MRPS25: variants seen among roughly 807,000 people sequenced by gnomAD.
MRPS25 encodes mitochondrial ribosomal protein S25, also known as small ribosomal subunit protein mS25.
In MRPS25, 15 loss-of-function variants were observed where a neutral mutation model predicts 17.3. The observed-to-expected ratio is 0.87, with a 90% confidence interval of 0.58 to 1.34. The LOEUF (loss-of-function observed/expected upper bound fraction) is 1.34. Ranked by LOEUF, MRPS25 falls within the 40% of genes most tolerant of loss-of-function variation. MRPS25 has a pLI of 0.00. For missense variants in MRPS25, 225 were observed against 218.6 expected (o/e 1.03, Z -0.19); for synonymous variants, 94 against 83.3 (o/e 1.13, Z -0.70).
At chr3:15,059,297 C>G (rs2042715458) in intron 2 of MRPS25, 72 bp downstream of exon 2, 2 of 1,057,310 alleles carry the variant, frequency 1.9e-6, no homozygotes, top group South Asian at 2.6e-5. Context: ...TCCTGACGCT[C>G]CCATAGGAAG....
chr3:15,046,337 T>C (rs946681830), downstream of MRPS25: 2 of 152,260 alleles, frequency 1.3e-5, no homozygotes, highest in Non-Finnish European at 1.5e-5. Context: ...ACACCAGCCA[T>C]GGTGTTAACA....
At chr3:15,053,620 T>C in intron 2 of MRPS25, 153 bp from the exon 3 acceptor site, 1 of 840,128 alleles carries the variant, frequency 1.2e-6, no homozygotes, top group Non-Finnish European at 1.9e-6. Context: ...CTACCCTTCC[T>C]TTTTCCATTT....
In MRPS25 at chr3:15,052,169, C is replaced by A; in HGVS notation, c.*272G>T. 7 of 1,172,210 alleles carry A rather than the reference C, an allele frequency of 6.0e-6. No individual in the cohort carries two copies. Among genetic ancestry groups the A allele is most frequent in the Non-Finnish European group, 7.4e-6 (7 of 948,040 alleles). 72.6% of individuals were successfully genotyped at this position (1,172,210 alleles called of 1,614,324 possible). ...TCAGGCCCAAAGCCTTTCTGCTACA[C>A]AGGCCTTCCTCTTCACTAGGACCAG... On this transcript the variant is annotated 3_prime_UTR_variant, in exon 4 of 4. Coordinates refer to ENST00000253686, the MANE Select transcript of MRPS25 (RefSeq NM_022497.5).
At chr3:15,054,084 A>G (rs982462524) in intron 2 of MRPS25, among the ~76,000 whole-genome samples, 2 of 152,012 alleles carry the variant, frequency 1.3e-5, no homozygotes, top group Non-Finnish European at 2.9e-5. Context: ...GTGAAACCCC[A>G]TCTCTACTAA....
chr3:15,052,514 G>C lies in MRPS25; in HGVS notation c.449C>G (p.Pro150Arg), dbSNP rs770560188. 6.2e-7 allele frequency: 1 copy of C among 1,614,158 alleles called. No homozygotes were observed. The highest frequency in any genetic ancestry group is 1.7e-5 in the Admixed American group (1 of 60,024). ...ICEVEGQVPCPSLVPLPKEMR... is the reference protein window; with the variant it reads ...ICEVEGQVPCRSLVPLPKEMR... ...CTCCTTGGGTAATGGCACCAGGCTG[G>C]GGCAGGGCACCTGCCCTTCCACTTC... Residue 150 changes from proline (P) to arginine (R), a missense_variant, in exon 4 of 4, where the codon CCC (proline) becomes CGC (arginine). Transcript: ENST00000253686.
In MRPS25 at chr3:15,052,288, T is replaced by C; in HGVS notation, c.*153A>G. The C allele has an allele frequency of 7.1e-7, 1 of 1,410,056 alleles. No individual in the cohort carries two copies. Among genetic ancestry groups the C allele is most frequent in the East Asian group, 2.5e-5 (1 of 39,618 alleles). 87.3% of individuals were successfully genotyped at this position (1,410,056 alleles called of 1,614,324 possible). A position where few individuals can be genotyped will look rare whatever the true frequency, so the allele number is the denominator to read the frequency against. ...CAGCTTCAGACCCTCCTCTCCCACA[T>C]CCTTTTACACAGGTGTGTAAAGTCC... is the stretch of plus-strand genomic sequence containing the variant. On this transcript the variant is annotated 3_prime_UTR_variant, in exon 4 of 4. Coordinates refer to ENST00000253686, the MANE Select transcript of MRPS25 (RefSeq NM_022497.5).
intron 2 of MRPS25, among the ~76,000 whole-genome samples, chr3:15,055,581 A>G (rs1310591469): frequency 6.6e-6 from 1 of 152,236 alleles, no homozygotes; most frequent in African/African-American, 2.4e-5. Flanking sequence ...GAAAAGAAGT[A>G]TAACTGTCTT....
rs1234550447 is a variant in MRPS25 at position 15,049,302 on chromosome 3, T to TGATA, written c.*3135_*3138dup. The TGATA allele has an allele frequency of 1.3e-5, 2 of 152,756 alleles. No homozygotes were observed. The highest frequency in any genetic ancestry group is 4.8e-5 in the African/African-American group (2 of 41,468). 9.5% of individuals were successfully genotyped at this position (152,756 alleles called of 1,614,324 possible). ...GCATCCTGCTCTTCATTTTTCTTCA[T>TGATA]GATAGTAGTAATGCCTGGCCCCCAA... is the stretch of plus-strand genomic sequence containing the variant. On this transcript the variant is annotated 3_prime_UTR_variant, in exon 4 of 4. Coordinates refer to ENST00000253686, the MANE Select transcript of MRPS25 (RefSeq NM_022497.5).
chr3:15,049,694 TTA>T lies in MRPS25; in HGVS notation c.*2745_*2746del. ...AGTTTCAGAAGTTAGAACATATTCA[TTA>T]TGTCATCTGACCTCTCATGTTCCAG... On this transcript the variant is annotated 3_prime_UTR_variant, in exon 4 of 4. Transcript: ENST00000253686. The T allele has an allele frequency of 1.8e-6, 1 of 560,822 alleles. No individual in the cohort carries two copies. The highest frequency in any genetic ancestry group is 3.2e-5 in the East Asian group (1 of 31,074). 34.7% of individuals were successfully genotyped at this position (560,822 alleles called of 1,614,324 possible).
chr3:15,060,331 AG>A (rs1377599086), intron 1 of MRPS25, among the ~76,000 whole-genome samples: 1 of 151,902 alleles, frequency 6.6e-6, no homozygotes, highest in African/African-American at 2.4e-5. Flanking sequence ...TGGGCAATAT[AG>A]GGAGACCCTG....
downstream of MRPS25, chr3:15,048,450 T>C (rs2125126046): frequency 6.5e-6 from 1 of 152,722 alleles, no homozygotes; most frequent in South Asian, 2.1e-4. Flanking sequence ...GAGAAAAATG[T>C]CAGATATTTT....
chr3:15,062,966 T>G (rs906201602), intron 1 of MRPS25, among the ~76,000 whole-genome samples: 1 of 151,864 alleles, frequency 6.6e-6, no homozygotes, highest in East Asian at 1.9e-4. Flanking sequence ...TTCACTTGTT[T>G]ATCTGCTGAC....
intron 2 of MRPS25, among the ~76,000 whole-genome samples, chr3:15,054,231 A>G (rs541951127): frequency 6.6e-6 from 1 of 152,246 alleles, no homozygotes; most frequent in East Asian, 1.9e-4. Context: ...AAGAATAGAC[A>G]CACACTGTAA....
chr3:15,061,561 C>T (rs1487734722), intron 1 of MRPS25, among the ~76,000 whole-genome samples: 2 of 152,328 alleles, frequency 1.3e-5, no homozygotes, highest in East Asian at 1.9e-4. Context: ...GATCTCGGCT[C>T]GCTATAGCCT....
chr3:15,060,566 T>C (rs969894801), intron 1 of MRPS25, among the ~76,000 whole-genome samples: 1 of 148,768 alleles, frequency 6.7e-6, no homozygotes, highest in African/African-American at 2.5e-5. Context: ...GTTATTTAAC[T>C]ATATGGGTAT....
In MRPS25 at chr3:15,052,274, C is replaced by A. The variant is rs552283583; in HGVS notation, c.*167G>T. ...TTCATTTAGCAGCTCAGCTTCAGAC[C>A]CTCCTCTCCCACATCCTTTTACACA... On this transcript the variant is annotated 3_prime_UTR_variant, in exon 4 of 4. Transcript: ENST00000253686. The A allele has an allele frequency of 7.2e-6, 10 of 1,385,940 alleles. No homozygotes were observed. In the East Asian group the frequency reaches 2.1e-4, roughly 29 times the overall value. 85.9% of individuals were successfully genotyped at this position (1,385,940 alleles called of 1,614,324 possible).
chr3:15,053,556 G>C lies in MRPS25; in HGVS notation c.242-89C>G, dbSNP rs764655182. 5.1e-6 allele frequency: 7 copies of C among 1,369,082 alleles called. No individual in the cohort carries two copies. The South Asian group carries it at 7.1e-5, about 14-fold the overall frequency. The allele number at this position is 1,369,082 out of a possible 1,614,324, so 84.8% of individuals were successfully genotyped here. ...TTGTAATTTGGGACTTGCTTTTAGT[G>C]GCAGAAACATTTTAATAATAAAATA... On this transcript the variant is annotated intron_variant, in intron 2 of 3. Transcript: ENST00000253686.
At chr3:15,059,264 A>T in intron 2 of MRPS25, 105 bp downstream of exon 2, 2 of 798,172 alleles carry the variant, frequency 2.5e-6, no homozygotes, top group Non-Finnish European at 4.3e-6. Context: ...CAGACACACC[A>T]TGACAGCGCA....
chr3:15,061,452 G>C (rs1343469820), intron 1 of MRPS25, among the ~76,000 whole-genome samples: 1 of 152,344 alleles, frequency 6.6e-6, no homozygotes, highest in South Asian at 2.1e-4. Flanking sequence ...TCCTAACCGC[G>C]AGTGATCCGC....
Sources: gnomAD v4.1 joint callset for allele counts (sites outside exome capture counted in the v4.1 genomes callset) on GRCh38, gnomAD v4.1.1 for gene constraint, MANE v1.5 for transcripts, NCBI Gene and HGNC (gene_info 2026-07-23, HGNC 2026-07-21) for gene names.